CASK: variants seen among roughly 807,000 people sequenced by gnomAD.
CASK encodes peripheral plasma membrane protein CASK.
CASK carries 4 observed loss-of-function variants against 82.9 expected under a neutral mutation model. The observed-to-expected ratio is 0.05, with a 90% CI of 0.02 to 0.11. The LOEUF (loss-of-function observed/expected upper bound fraction) is 0.11, where lower values mean the gene tolerates loss of function less well. Among genes scored for constraint, CASK ranks in the 10% least tolerant of loss-of-function variants. The pLI, the probability that CASK is intolerant of heterozygous loss-of-function variation, is 1.00. For synonymous variants in CASK, 259 were observed against 253.5 expected (o/e 1.02, Z -0.20); for missense variants, 358 against 720.9 (o/e 0.50, Z 5.76).
intron 2 of CASK, among the ~76,000 whole-genome samples, chrX:41,848,504 C>T (rs1456011618): frequency 8.9e-6 from 1 of 111,936 alleles, no homozygotes; most frequent in Non-Finnish European, 1.9e-5. Flanking sequence ...GTTCCCCTTC[C>T]CCTTCCACCA....
At chrX:41,848,189 T>C (rs778153836) in intron 2 of CASK, among the ~76,000 whole-genome samples, 20 of 112,089 alleles carry the variant, frequency 1.8e-4, no homozygotes, top group Non-Finnish European at 3.4e-4. Flanking sequence ...GAAACTTTTT[T>C]TGCACTGGGT....
chrX:41,549,483 T>A (rs2147128364), intron 21 of CASK, among the ~76,000 whole-genome samples: 1 of 112,150 alleles, frequency 8.9e-6, no homozygotes, highest in South Asian at 3.7e-4. Flanking sequence ...ATATTTAAAG[T>A]ATACAAATTT....
At position 41,912,873 on chromosome X, in the gene CASK, A is replaced by T. The variant is rs181597216; in HGVS notation, c.59+10057T>A. The stretch of plus-strand genomic sequence containing the variant: ...AATTTATGAAAGTTATACTTTTTTA[A>T]AGTAATATATGTGACTTTATTAAAA... On this transcript the variant is annotated intron_variant, in intron 1 of 26. Coordinates refer to ENST00000378163, the MANE Select transcript of CASK (RefSeq NM_001367721.1). Among the ~76,000 whole-genome samples the T allele has an allele frequency of 5.2e-3, 551 of 106,406 alleles. 4 individuals carry two copies. Among genetic ancestry groups the T allele is most frequent in the Non-Finnish European group, 8.4e-3 (437 of 51,989 alleles). 92.4% of individuals were successfully genotyped at this position (106,406 alleles called of 115,157 possible). A position where few individuals can be genotyped will look rare whatever the true frequency, so the allele number is the denominator to read the frequency against.
At chrX:41,620,739 T>C (rs1052868968) in intron 11 of CASK, among the ~76,000 whole-genome samples, 6 of 112,176 alleles carry the variant, frequency 5.3e-5, no homozygotes, top group Non-Finnish European at 1.1e-4. Flanking sequence ...TAAGCAATAA[T>C]GAATCCTGTA....
At chrX:41,756,778 TTAAGTAACTTGACCAAGAGA>T (rs2068904850) in intron 3 of CASK, among the ~76,000 whole-genome samples, 1 of 112,047 alleles carries the variant, frequency 8.9e-6, no homozygotes, top group South Asian at 3.7e-4. Flanking sequence ...ACAGCAAAAG[TTAAGTAACTTGACCAAGAGA>T]TCACACAGCT....
intron 9 of CASK, among the ~76,000 whole-genome samples, chrX:41,629,093 T>A (rs1026355952): frequency 8.9e-6 from 1 of 112,089 alleles, no homozygotes; most frequent in African/African-American, 3.2e-5. Context: ...ACAATAGTAG[T>A]ATGCTTTAAA....
chrX:41,767,621 G>A (rs35682004), intron 3 of CASK, among the ~76,000 whole-genome samples: 4 of 111,815 alleles, frequency 3.6e-5, no homozygotes, highest in Non-Finnish European at 5.6e-5. Context: ...TCTGGTTGGT[G>A]ACAGTTTCTT....
At position 41,773,171 on chromosome X, in the gene CASK, C is replaced by T. The variant is rs186847654; in HGVS notation, c.278+14007G>A. ...AGGCTGGGCGGACAGATCACCTGAG[C>T]CCAGGAGTCTGAGACCAGCCTGGGC... On this transcript the variant is annotated intron_variant, in intron 3 of 26. Coordinates refer to ENST00000378163, the MANE Select transcript of CASK (RefSeq NM_001367721.1). Among the ~76,000 whole-genome samples, 134 of 109,280 alleles carry T rather than the reference C, an allele frequency of 1.2e-3. 2 individuals are homozygous for T. Among genetic ancestry groups the T allele is most frequent in the African/African-American group, 4.3e-3 (130 of 29,981 alleles). 94.9% of individuals were successfully genotyped at this position (109,280 alleles called of 115,157 possible).
At position 41,923,032 on chromosome X, in the gene CASK, C is replaced by A; in HGVS notation, c.-44G>T. ...GCCGCAGCGTGGAGGGCTTCGAAAACGGGGGTGGGGGCGCCCAAGAGCTCA... is the reference window on the plus strand; with the variant it reads ...GCCGCAGCGTGGAGGGCTTCGAAAAAGGGGGTGGGGGCGCCCAAGAGCTCA... On this transcript the variant is annotated 5_prime_UTR_variant, in exon 1 of 27. Transcript: ENST00000378163. 1 of 1,153,164 alleles carries A rather than the reference C, an allele frequency of 8.7e-7. No homozygotes were observed. Among genetic ancestry groups the A allele is most frequent in the Admixed American group, 2.2e-5 (1 of 45,906 alleles).
intron 2 of CASK, among the ~76,000 whole-genome samples, chrX:41,838,313 C>G (rs1259330601): frequency 3.6e-5 from 4 of 112,674 alleles, no homozygotes; most frequent in African/African-American, 6.5e-5. Flanking sequence ...CTTTTAACCA[C>G]TATCCAATTG....
intron 5 of CASK, among the ~76,000 whole-genome samples, chrX:41,678,403 A>G (rs1448877691): frequency 1.8e-5 from 2 of 111,721 alleles, no homozygotes; most frequent in African/African-American, 6.5e-5. Flanking sequence ...TGGTACCTAC[A>G]TGGTATTATT....
intron 8 of CASK, among the ~76,000 whole-genome samples, chrX:41,648,457 T>A (rs1201910946): frequency 9.0e-6 from 1 of 111,341 alleles, no homozygotes; most frequent in Non-Finnish European, 1.9e-5. Flanking sequence ...AAGTACTTGA[T>A]GTCTGTCACC....
Position 41,808,007 on chromosome X carries a change from C to T in CASK, c.173-20724G>A, listed in dbSNP as rs747312784. On this transcript the variant is annotated intron_variant, in intron 2 of 26. Coordinates refer to ENST00000378163, the MANE Select transcript of CASK (RefSeq NM_001367721.1). Reference sequence around the variant, plus strand: ...AGTAGCTGGGATTACAGGTGTCTGCCACCATGCCCAGTTAATTTTTGTATT... The same window carrying T: ...AGTAGCTGGGATTACAGGTGTCTGCTACCATGCCCAGTTAATTTTTGTATT... 2.7e-5 allele frequency among the ~76,000 whole-genome samples: 3 copies of T among 111,373 alleles called. No individual in the cohort carries two copies. In the East Asian group the frequency reaches 8.4e-4, roughly 31 times the overall value.
chrX:41,698,111 A>G (rs1198995945), intron 5 of CASK: 1 of 112,023 alleles, frequency 8.9e-6, no homozygotes, highest in Non-Finnish European at 1.9e-5. Context: ...AGAAAACAAT[A>G]CCACATTCTT....
intron 2 of CASK, among the ~76,000 whole-genome samples, chrX:41,850,236 T>TA (rs1407331877): frequency 8.9e-6 from 1 of 112,202 alleles, no homozygotes; most frequent in Non-Finnish European, 1.9e-5. Context: ...GTTTTCCTAA[T>TA]AAAAACCATG....
chrX:41,715,373 G>A (rs948367641), intron 5 of CASK, among the ~76,000 whole-genome samples: 7 of 111,570 alleles, frequency 6.3e-5, no homozygotes, highest in African/African-American at 2.0e-4. Flanking sequence ...TAATCCCAGC[G>A]CTTTGGGAGG....
At chrX:41,715,360 C>T (rs199962457) in intron 5 of CASK, among the ~76,000 whole-genome samples, 2 of 111,891 alleles carry the variant, frequency 1.8e-5, no homozygotes, top group East Asian at 5.6e-4. Context: ...TGGCTCATGC[C>T]TGTAATCCCA....
At chrX:41,523,272 C>T (rs950965111) in intron 26 of CASK, among the ~76,000 whole-genome samples, 5 of 112,185 alleles carry the variant, frequency 4.5e-5, no homozygotes, top group African/African-American at 1.6e-4. Flanking sequence ...AATCCTGAAT[C>T]TTCCTTAAAG....
At chrX:41,672,239 G>GTTT (rs2067206211) in intron 5 of CASK, among the ~76,000 whole-genome samples, 1 of 110,947 alleles carries the variant, frequency 9.0e-6, no homozygotes, top group Non-Finnish European at 1.9e-5. Flanking sequence ...CTCTCCCCAA[G>GTTT]GGGTATCCTG....
Sources: gnomAD v4.1 joint callset for allele counts (sites outside exome capture counted in the v4.1 genomes callset) on GRCh38, gnomAD v4.1.1 for gene constraint, MANE v1.5 for transcripts, NCBI Gene and HGNC (gene_info 2026-07-23, HGNC 2026-07-21) for gene names.